Variants in SIPA1L1 observed in about 807,000 individuals in gnomAD.
The protein encoded by SIPA1L1 is signal induced proliferation associated 1 like 1.
SIPA1L1 carries 26 observed loss-of-function variants against 162.7 expected under a neutral mutation model. The observed-to-expected ratio is 0.16, with a 90% CI of 0.12 to 0.22. The LOEUF is 0.22. Among genes scored for constraint, SIPA1L1 ranks in the 10% least tolerant of loss-of-function variants. The pLI is 1.00. For missense variants in SIPA1L1, 1,874 were observed against 2,241.0 expected (o/e 0.84, Z 3.31); for synonymous variants, 829 against 837.4 (o/e 0.99, Z 0.17).
chr14:71,542,454 C>CCTG (rs577245408), intron 4 of SIPA1L1, among the ~76,000 whole-genome samples: 455 of 151,158 alleles, frequency 3.0e-3, no homozygotes, highest in Non-Finnish European at 4.6e-3. Flanking sequence ...GCTTCTTCTT[C>CCTG]CTGCTGCTGC....
chr14:71,731,946 A>C (rs2084828285), intron 20 of SIPA1L1, among the ~76,000 whole-genome samples: 1 of 151,998 alleles, frequency 6.6e-6, no homozygotes, highest in African/African-American at 2.4e-5. Context: ...TGTTTGGGGG[A>C]TGAGGAAGGG....
intron 2 of SIPA1L1, among the ~76,000 whole-genome samples, chr14:71,351,802 A>G (rs753545661): frequency 6.6e-6 from 1 of 152,176 alleles, no homozygotes; most frequent in Non-Finnish European, 1.5e-5. Context: ...GCAATGCTGT[A>G]TAATTAATAG....
intron 16 of SIPA1L1, among the ~76,000 whole-genome samples, chr14:71,708,006 T>G (rs1431095154): frequency 7.1e-6 from 1 of 141,304 alleles, no homozygotes; most frequent in Non-Finnish European, 1.5e-5. Context: ...TGGACATTTG[T>G]TTTTTGGTGT....
At chr14:71,477,672 A>G (rs549748816) in intron 2 of SIPA1L1, among the ~76,000 whole-genome samples, 2 of 152,248 alleles carry the variant, frequency 1.3e-5, no homozygotes, top group South Asian at 4.1e-4. Context: ...TTTGTTGTGG[A>G]TAGTATAGAT....
At chr14:71,626,935 T>G (rs958483271) in intron 7 of SIPA1L1, among the ~76,000 whole-genome samples, 1 of 152,032 alleles carries the variant, frequency 6.6e-6, no homozygotes, top group Admixed American at 6.6e-5. Flanking sequence ...ATTAAAATTT[T>G]ATCTATTAAA....
rs2085695055 is a variant in SIPA1L1, at chr14:71,740,794, CTCTT to C, written c.*1635_*1638del. ...AGATTTCAATTGTCTGTCTCTTTCT[CTCTT>C]TGACTTGTATGAAGGAGATTGTACA... On this transcript the variant is annotated 3_prime_UTR_variant, in exon 24 of 24. Transcript: ENST00000381232. The C allele has an allele frequency of 6.6e-6, 1 of 152,104 alleles. No individual in the cohort carries two copies. Among genetic ancestry groups the C allele is most frequent in the African/African-American group, 2.4e-5 (1 of 41,398 alleles). The allele number at this position is 152,104 out of a possible 1,614,324, so 9.4% of individuals were successfully genotyped here.
At chr14:71,343,051 C>T (rs2035816725) in intron 2 of SIPA1L1, among the ~76,000 whole-genome samples, 1 of 152,176 alleles carries the variant, frequency 6.6e-6, no homozygotes. Context: ...TGTGCAAGGA[C>T]CTTAGCCTAT....
At chr14:71,505,386 G>C (rs1246874834) in intron 2 of SIPA1L1, among the ~76,000 whole-genome samples, 2 of 147,624 alleles carry the variant, frequency 1.4e-5, no homozygotes, top group Admixed American at 6.7e-5. Flanking sequence ...CGTTACTGCT[G>C]TCTAACATTG....
At position 71,738,332 on chromosome 14, in the gene SIPA1L1, A is replaced by G. The variant is rs1566773109; in HGVS notation, c.5208+7A>G. On this transcript the variant is annotated splice_region_variant and intron_variant, in intron 23 of 23. Transcript: ENST00000381232. ...TCGGGAAGATTTGAAGAAGGTAAAC[A>G]TGTATTCTCAAAGCAAATTGTCCAG... The G allele has an allele frequency of 1.9e-6, 3 of 1,600,414 alleles. No individual in the cohort carries two copies. The highest frequency in any genetic ancestry group is 3.3e-5 in the Admixed American group (2 of 59,952).
At chr14:71,589,708 A>T (rs2035021266) in intron 5 of SIPA1L1, among the ~76,000 whole-genome samples, 1 of 152,150 alleles carries the variant, frequency 6.6e-6, no homozygotes, top group Non-Finnish European at 1.5e-5. Context: ...AATATTTGAA[A>T]TATAGCTGTT....
chr14:71,623,694 CCTT>C (rs1327515302), intron 6 of SIPA1L1, among the ~76,000 whole-genome samples: 1 of 152,096 alleles, frequency 6.6e-6, no homozygotes, highest in East Asian at 1.9e-4. Context: ...TGGGGTTCTG[CCTT>C]CTTAATTTCC....
At chr14:71,361,205 G>A (rs2037780652) in intron 2 of SIPA1L1, among the ~76,000 whole-genome samples, 1 of 152,074 alleles carries the variant, frequency 6.6e-6, no homozygotes, top group East Asian at 1.9e-4. Context: ...CTCAATTTTA[G>A]TATACTCCAA....
intron 7 of SIPA1L1, among the ~76,000 whole-genome samples, chr14:71,644,696 C>G (rs544474019): frequency 8.3e-4 from 126 of 152,094 alleles, no homozygotes; most frequent in African/African-American, 2.9e-3. Context: ...GTTGGGAAAC[C>G]CTTAGGCTCA....
chr14:71,472,070 A>G (rs1479635179), intron 2 of SIPA1L1, among the ~76,000 whole-genome samples: 3 of 152,138 alleles, frequency 2.0e-5, no homozygotes, highest in Admixed American at 6.5e-5. Flanking sequence ...GTGCTGAGAG[A>G]TGAGAGCACT....
chr14:71,451,384 A>G (rs1050121700), intron 2 of SIPA1L1, among the ~76,000 whole-genome samples: 10 of 152,138 alleles, frequency 6.6e-5, no homozygotes, highest in African/African-American at 2.2e-4. Flanking sequence ...TTGTAATTCC[A>G]GCACTTTGGG....
intron 2 of SIPA1L1, among the ~76,000 whole-genome samples, chr14:71,455,221 T>C (rs1338543548): frequency 6.6e-6 from 1 of 152,264 alleles, no homozygotes; most frequent in Non-Finnish European, 1.5e-5. Context: ...TGTGCAGTTT[T>C]GTAACTTTAC....
chr14:71,371,485 T>G (rs1485349648), intron 2 of SIPA1L1, among the ~76,000 whole-genome samples: 1 of 152,180 alleles, frequency 6.6e-6, no homozygotes, highest in Admixed American at 6.5e-5. Flanking sequence ...CCTCCCTGGC[T>G]CAAGTGATCC....
At chr14:71,453,456 G>C (rs1219166506) in intron 2 of SIPA1L1, among the ~76,000 whole-genome samples, 1 of 152,060 alleles carries the variant, frequency 6.6e-6, no homozygotes, top group Non-Finnish European at 1.5e-5. Flanking sequence ...GTAGAGACAG[G>C]TTCTCACTGT....
At chr14:71,482,999 A>T (rs1017695328) in intron 2 of SIPA1L1, among the ~76,000 whole-genome samples, 1 of 152,184 alleles carries the variant, frequency 6.6e-6, no homozygotes, top group Admixed American at 6.5e-5. Flanking sequence ...TTTTACGAAC[A>T]ATTTCAGCTG....
Sources: gnomAD v4.1 joint callset for allele counts (sites outside exome capture counted in the v4.1 genomes callset) on GRCh38, gnomAD v4.1.1 for gene constraint, MANE v1.5 for transcripts, NCBI Gene and HGNC (gene_info 2026-07-23, HGNC 2026-07-21) for gene names.